Variants in FOXN4 observed in about 807,000 individuals in gnomAD.
FOXN4 encodes the protein forkhead box protein N4.
A neutral mutation model predicts 45.0 loss-of-function variants in FOXN4; 12 were observed. That is an observed-to-expected ratio of 0.27 (90% CI 0.17 to 0.43). FOXN4 has a LOEUF of 0.43. Among genes scored for constraint, FOXN4 ranks in the 20% least tolerant of loss-of-function variants. FOXN4 has a pLI of 1.00. For missense variants in FOXN4, 560 were observed against 694.9 expected, an observed-to-expected ratio of 0.81 and a Z score of 2.18; for synonymous variants, 297 against 295.0, an observed-to-expected ratio of 1.01 and a Z score of -0.07.
At chr12:109,302,707 G>GGT in intron 2 of FOXN4, among the ~76,000 whole-genome samples, 1 of 151,992 alleles carries the variant, frequency 6.6e-6, no homozygotes, top group African/African-American at 2.4e-5. Context: ...TTTAGGAGGG[G>GGT]TCTGCCTGAC....
At chr12:109,307,469 G>A (rs922763089) in intron 2 of FOXN4, among the ~76,000 whole-genome samples, 1 of 152,086 alleles carries the variant, frequency 6.6e-6, no homozygotes, top group Admixed American at 6.5e-5. Flanking sequence ...TTTCCCTCCT[G>A]GAGACCTTGG....
chr12:109,286,696 A>C lies in FOXN4; in HGVS notation c.645T>G (p.Pro215=). 6.2e-7 allele frequency: 1 copy of C among 1,609,018 alleles called. No homozygotes were observed. ...TCATGAAGCTGTAGATCTCGCTCAC[A>C]GGCAGGCTGCCTGTCTTGCTGTTCT... The part of the protein sequence containing the change: ...ALKNSKTGSL[P]VSEIYSFMKE... Residue 215 remains proline (P), a synonymous_variant, in exon 7 of 10, where the codon CCT becomes CCG. Coordinates refer to ENST00000299162, the MANE Select transcript of FOXN4 (RefSeq NM_213596.3).
chr12:109,294,200 C>CTT (rs1230360138), intron 2 of FOXN4, among the ~76,000 whole-genome samples: 2 of 152,164 alleles, frequency 1.3e-5, no homozygotes, highest in Non-Finnish European at 2.9e-5. Flanking sequence ...TGAAGCCCCA[C>CTT]CCTTGGGACT....
chr12:109,281,569 G>C lies in FOXN4; in HGVS notation c.1132C>G (p.Pro378Ala). 1 of 1,607,330 alleles carries C rather than the reference G, an allele frequency of 6.2e-7. No individual in the cohort carries two copies. The highest frequency in any genetic ancestry group is 8.5e-7 in the Non-Finnish European group (1 of 1,176,730). ...GCGTGCAGTGGCGGGGTCTGGGCTG[G>C]TGCTGGAGAGTCTGGAGCAAGATGT... ...QAHLAPDSPA[P>A]AQTPPLHALP... Residue 378 changes from proline (P) to alanine (A), a missense_variant, in exon 9 of 10, where the codon CCA (proline) becomes GCA (alanine). By Grantham distance (27) the Pro-to-Ala change is conservative. This residue lies in a region of FOXN4 where 315 missense variants were observed against 350.5 expected (regional missense o/e 0.90). Transcript: ENST00000299162.
chr12:109,301,009 G>A (rs1271945636), intron 2 of FOXN4, among the ~76,000 whole-genome samples: 1 of 152,220 alleles, frequency 6.6e-6, no homozygotes, highest in Non-Finnish European at 1.5e-5. Context: ...GTAGCTCTGG[G>A]CAAGGCAAGA....
intron 2 of FOXN4, among the ~76,000 whole-genome samples, chr12:109,299,297 G>A (rs537090036): frequency 4.6e-5 from 7 of 152,172 alleles, no homozygotes; most frequent in Admixed American, 1.3e-4. Flanking sequence ...TTATCAAAAC[G>A]CATATGCACA....
At chr12:109,281,336 C>G in intron 9 of FOXN4, 71 bp downstream of exon 9, 1 of 1,568,724 alleles carries the variant, frequency 6.4e-7, no homozygotes, top group Non-Finnish European at 8.7e-7. Flanking sequence ...AGTCCTCTCC[C>G]TCACTCCCTT....
intron 8 of FOXN4, among the ~76,000 whole-genome samples, chr12:109,284,908 G>T (rs1039781224): frequency 6.8e-6 from 1 of 146,588 alleles, no homozygotes; most frequent in African/African-American, 2.6e-5. Context: ...GTCTGTGTGT[G>T]CATTTGTGTG....
At chr12:109,284,389 A>G (rs889826364) in intron 8 of FOXN4, among the ~76,000 whole-genome samples, 8 of 152,210 alleles carry the variant, frequency 5.3e-5, no homozygotes, top group African/African-American at 1.9e-4. Flanking sequence ...TGGGTAGGGC[A>G]TAGGCAGAGC....
chr12:109,308,209 AT>A, intron 2 of FOXN4, 26 bp downstream of exon 2: 1 of 1,512,230 alleles, frequency 6.6e-7, no homozygotes, highest in South Asian at 1.2e-5. Context: ...TAAAAAATAT[AT>A]AGTTTGTTAT....
Position 109,308,272 on chromosome 12 carries a change from G to A in FOXN4, c.50C>T (p.Ser17Leu). 1.3e-6 allele frequency: 2 copies of A among 1,552,058 alleles called. No homozygotes were observed. Among genetic ancestry groups the A allele is most frequent in the Non-Finnish European group, 1.7e-6 (2 of 1,147,032 alleles). Residue 17 changes from serine to leucine, a missense_variant, in exon 2 of 10, where the codon TCA becomes TTA. Ser to Leu is a moderately radical substitution (Grantham distance 145). Coordinates refer to ENST00000299162, the MANE Select transcript of FOXN4 (RefSeq NM_213596.3). The part of the protein sequence containing the change: ...SSIMSGIIRN[S>L]GQNHHPSPQE... ...TGGAGAGGGGTGGTGATTTTGCCCT[G>A]AGTTTCGAATAATTCCTGACATTAT...
chr12:109,284,922 GT>G (rs1379740417), intron 8 of FOXN4, among the ~76,000 whole-genome samples: 1 of 151,148 alleles, frequency 6.6e-6, no homozygotes, highest in Non-Finnish European at 1.5e-5. Flanking sequence ...TTGTGTGTGT[GT>G]GCGTGCTGCA....
chr12:109,295,103 C>T (rs528343447), intron 2 of FOXN4, among the ~76,000 whole-genome samples: 4 of 152,218 alleles, frequency 2.6e-5, no homozygotes, highest in South Asian at 4.1e-4. Flanking sequence ...TAGTAATAGC[C>T]GCAATACCTC....
chr12:109,286,616 C>A (rs1446993851), intron 7 of FOXN4, 32 bp downstream of exon 7: 1 of 1,581,234 alleles, frequency 6.3e-7, no homozygotes, highest in African/African-American at 1.3e-5. Flanking sequence ...ACCAGGGCAG[C>A]TCCAGCACCC....
intron 2 of FOXN4, among the ~76,000 whole-genome samples, chr12:109,307,426 G>T (rs942853444): frequency 6.6e-6 from 1 of 152,166 alleles, no homozygotes; most frequent in Admixed American, 6.5e-5. Context: ...GAAAGAGGCC[G>T]GGAGGGGACT....
chr12:109,284,390 T>C (rs2047681461), intron 8 of FOXN4, among the ~76,000 whole-genome samples: 1 of 152,170 alleles, frequency 6.6e-6, no homozygotes, highest in African/African-American at 2.4e-5. Flanking sequence ...GGGTAGGGCA[T>C]AGGCAGAGCT....
At chr12:109,299,892 C>T (rs1242687390) in intron 2 of FOXN4, among the ~76,000 whole-genome samples, 1 of 152,202 alleles carries the variant, frequency 6.6e-6, no homozygotes, top group South Asian at 2.1e-4. Flanking sequence ...CCGGGTCCCC[C>T]TTTGCTCTCT....
At chr12:109,283,952 A>G (rs947192141) in intron 8 of FOXN4, among the ~76,000 whole-genome samples, 8 of 152,236 alleles carry the variant, frequency 5.3e-5, no homozygotes, top group African/African-American at 1.9e-4. Flanking sequence ...CCTTCTGCTC[A>G]AATCTTTGCT....
chr12:109,283,353 GCT>G (rs921442600), intron 8 of FOXN4, among the ~76,000 whole-genome samples: 1 of 151,884 alleles, frequency 6.6e-6, no homozygotes, highest in East Asian at 1.9e-4. Context: ...TCTCTCACTC[GCT>G]CTCTCTCAGA....
Sources: allele counts gnomAD v4.1 joint callset (sites outside exome capture counted in the v4.1 genomes callset), GRCh38; gene constraint gnomAD v4.1.1; regional missense constraint gnomAD v4.1.1; transcripts MANE v1.5; gene names NCBI Gene and HGNC (gene_info 2026-07-23, HGNC 2026-07-21).